GARIN2: variants seen among roughly 807,000 people sequenced by gnomAD.
GARIN2 encodes the protein Golgi-associated RAB2 interactor protein 2.
chr14:67,208,297 CAT>C, the GARIN2 span: 1 of 1,613,950 alleles, frequency 6.2e-7, no homozygotes, highest in Non-Finnish European at 8.5e-7. Context: ...CCATCTCAAA[CAT>C]AACACTGACT....
At chr14:67,212,598 A>AAAT in the GARIN2 span, among the ~76,000 whole-genome samples, 5 of 135,910 alleles carry the variant, frequency 3.7e-5, no homozygotes, top group South Asian at 6.7e-4. Flanking sequence ...TGAAAAAAAA[A>AAAT]ATATATATAT....
At chr14:67,190,912 T>A in the GARIN2 span, among the ~76,000 whole-genome samples, 1 of 152,208 alleles carries the variant, frequency 6.6e-6, no homozygotes, top group Admixed American at 6.5e-5. Context: ...ACAGCTTTAA[T>A]GAGTGACAGG....
the GARIN2 span, among the ~76,000 whole-genome samples, chr14:67,193,831 A>C: frequency 6.7e-6 from 1 of 149,988 alleles, no homozygotes; most frequent in Admixed American, 6.6e-5. Context: ...TGTAATGCCA[A>C]CTATTCAGGA....
chr14:67,204,439 C>T, the GARIN2 span: 4 of 1,395,022 alleles, frequency 2.9e-6, no homozygotes, highest in Non-Finnish European at 2.8e-6. Context: ...GAGAACTTGT[C>T]TCAAAACAAA....
the GARIN2 span, chr14:67,223,888 G>A: frequency 1.6e-5 from 16 of 985,528 alleles, no homozygotes; most frequent in Non-Finnish European, 1.9e-5. Context: ...GCAAAGACTG[G>A]CTGAATCTTA....
the GARIN2 span, among the ~76,000 whole-genome samples, chr14:67,202,722 TG>T: frequency 6.6e-6 from 1 of 152,204 alleles, no homozygotes; most frequent in Non-Finnish European, 1.5e-5. Flanking sequence ...TATGTGTAAA[TG>T]TGTGTACCTC....
chr14:67,199,012 A>AAGCTC, the GARIN2 span: 2 of 709,566 alleles, frequency 2.8e-6, no homozygotes, highest in Middle Eastern at 4.6e-4. Flanking sequence ...ACAAGGGAGG[A>AAGCTC]CAACAGACAC....
At chr14:67,220,556 A>G in the GARIN2 span, among the ~76,000 whole-genome samples, 1 of 152,212 alleles carries the variant, frequency 6.6e-6, no homozygotes, top group Non-Finnish European at 1.5e-5. Flanking sequence ...AAATGTTGGA[A>G]ACTTAAACTT....
At chr14:67,199,185 A>G in the GARIN2 span, 1 of 1,605,506 alleles carries the variant, frequency 6.2e-7, no homozygotes, top group East Asian at 2.2e-5. Context: ...AGTAGTCAAC[A>G]CCCACATGCC....
the GARIN2 span, chr14:67,200,068 C>A: frequency 1.0e-6 from 1 of 959,152 alleles, no homozygotes. Flanking sequence ...ACCACCCCAA[C>A]CACCACCTGG....
chr14:67,225,490 G>C, the GARIN2 span, among the ~76,000 whole-genome samples: 1 of 152,208 alleles, frequency 6.6e-6, no homozygotes, highest in African/African-American at 2.4e-5. Flanking sequence ...GGCTTCAGGT[G>C]AGGCACTGGA....
chr14:67,212,625 T>C, the GARIN2 span, among the ~76,000 whole-genome samples: 1 of 145,122 alleles, frequency 6.9e-6, no homozygotes, highest in African/African-American at 2.5e-5. Context: ...GTAATATATA[T>C]TATATATAAT....
chr14:67,194,424 G>A, the GARIN2 span, among the ~76,000 whole-genome samples: 3 of 151,852 alleles, frequency 2.0e-5, no homozygotes, highest in South Asian at 4.1e-4. Flanking sequence ...TAAAATATAC[G>A]ATGATGAGGG....
the GARIN2 span, among the ~76,000 whole-genome samples, chr14:67,222,872 C>A: frequency 6.6e-6 from 1 of 151,882 alleles, no homozygotes. Flanking sequence ...AATACTGCTT[C>A]AAAAAGCAAG....
At chr14:67,190,311 C>T in the GARIN2 span, among the ~76,000 whole-genome samples, 1 of 151,356 alleles carries the variant, frequency 6.6e-6, no homozygotes, top group Non-Finnish European at 1.5e-5. Context: ...GCAACCTCCA[C>T]CTCCCAGGTT....
At chr14:67,225,733 C>T in the GARIN2 span, among the ~76,000 whole-genome samples, 1 of 152,144 alleles carries the variant, frequency 6.6e-6, no homozygotes, top group East Asian at 1.9e-4. Context: ...TCATAATCTG[C>T]ACAGCTGTAT....
the GARIN2 span, among the ~76,000 whole-genome samples, chr14:67,202,620 T>C: frequency 6.6e-6 from 1 of 152,192 alleles, no homozygotes; most frequent in African/African-American, 2.4e-5. Flanking sequence ...ATTAATTGGC[T>C]CTATGGAATT....
chr14:67,211,676 C>A, the GARIN2 span, among the ~76,000 whole-genome samples: 1 of 152,192 alleles, frequency 6.6e-6, no homozygotes, highest in East Asian at 1.9e-4. Context: ...CGCCTGTAAT[C>A]CCATCAACTG....
chr14:67,209,493 A>G, the GARIN2 span, among the ~76,000 whole-genome samples: 4 of 152,156 alleles, frequency 2.6e-5, no homozygotes, highest in Admixed American at 2.6e-4. Context: ...AAAAATAAAT[A>G]CACTCATATA....
Sources: allele counts gnomAD v4.1 joint callset (sites outside exome capture counted in the v4.1 genomes callset), GRCh38; gene constraint gnomAD v4.1.1; transcripts MANE v1.5; gene names NCBI Gene and HGNC (gene_info 2026-07-23, HGNC 2026-07-21).